The following CEP112 variants were observed in gnomAD, a reference collection of about 807,000 sequenced individuals.
The protein encoded by CEP112 is centrosomal protein 112, also known as centrosomal protein of 112 kDa.
Under a neutral mutation model 153.0 loss-of-function variants are expected in CEP112, and 127 were observed. The observed-to-expected ratio is 0.83, with a 90% CI of 0.72 to 0.96. CEP112 has a LOEUF of 0.96. CEP112 is among the 40% of genes least tolerant of loss of function. CEP112 has a pLI of 0.00. For missense variants in CEP112, 1,089 were observed against 1,101.2 expected (o/e 0.99, Z 0.16); for synonymous variants, 358 against 374.4 (o/e 0.96, Z 0.51).
intron 23 of CEP112, among the ~76,000 whole-genome samples, chr17:65,701,486 T>C (rs1009147963): frequency 6.6e-6 from 1 of 152,200 alleles, no homozygotes; most frequent in African/African-American, 2.4e-5. Flanking sequence ...AGTAAGATCA[T>C]GAGTTCCATT....
At chr17:65,969,276 G>A (rs2144884047) in intron 17 of CEP112, among the ~76,000 whole-genome samples, 1 of 151,850 alleles carries the variant, frequency 6.6e-6, no homozygotes, top group East Asian at 1.9e-4. Flanking sequence ...GTAAACATGG[G>A]GTTTTGCCAT....
intron 20 of CEP112, among the ~76,000 whole-genome samples, chr17:65,868,930 C>G (rs990611670): frequency 6.6e-6 from 1 of 152,120 alleles, no homozygotes; most frequent in Non-Finnish European, 1.5e-5. Flanking sequence ...GTTTACATTT[C>G]TTATAGTATT....
chr17:65,919,891 C>A (rs546276357), intron 19 of CEP112, among the ~76,000 whole-genome samples: 2 of 152,048 alleles, frequency 1.3e-5, no homozygotes, highest in Non-Finnish European at 2.9e-5. Context: ...TGGAACTCCG[C>A]GGGAGTGCAT....
At chr17:66,065,949 A>G (rs1399980116) in intron 10 of CEP112, among the ~76,000 whole-genome samples, 1 of 152,146 alleles carries the variant, frequency 6.6e-6, no homozygotes, top group Non-Finnish European at 1.5e-5. Flanking sequence ...CTCTTAATGC[A>G]TGGGGTATCC....
intron 12 of CEP112, among the ~76,000 whole-genome samples, chr17:66,038,327 A>T (rs2065828879): frequency 6.6e-6 from 1 of 152,126 alleles, no homozygotes; most frequent in African/African-American, 2.4e-5. Flanking sequence ...TGAAGAAGCA[A>T]ACTATGTGAC....
intron 9 of CEP112, 146 bp from the exon 10 acceptor site, chr17:66,067,023 AC>A (rs1555788548): frequency 5.0e-5 from 1 of 20,156 alleles, no homozygotes; most frequent in Non-Finnish European, 7.0e-5. Flanking sequence ...ATAAACACAC[AC>A]ACACACACAC....
intron 21 of CEP112, among the ~76,000 whole-genome samples, chr17:65,804,657 G>T (rs2055481958): frequency 6.6e-6 from 1 of 151,688 alleles, no homozygotes; most frequent in Non-Finnish European, 1.5e-5. Flanking sequence ...TATATAGAGG[G>T]TAAATATAAA....
chr17:66,058,862 TAAAAC>T (rs1201419918), intron 11 of CEP112, among the ~76,000 whole-genome samples: 3 of 151,780 alleles, frequency 2.0e-5, no homozygotes, highest in East Asian at 3.9e-4. Context: ...AAAACCAAAA[TAAAAC>T]AAAAGAACAA....
chr17:65,685,114 C>T (rs1335781891), intron 24 of CEP112, among the ~76,000 whole-genome samples: 1 of 152,194 alleles, frequency 6.6e-6, no homozygotes, highest in African/African-American at 2.4e-5. Context: ...ACAATGAGCA[C>T]ATCTTCCCTG....
intron 10 of CEP112, among the ~76,000 whole-genome samples, chr17:66,064,303 C>T (rs2067033550): frequency 1.3e-5 from 2 of 152,062 alleles, no homozygotes; most frequent in South Asian, 4.1e-4. Flanking sequence ...CTGCTAGATA[C>T]TTTTAAATCA....
intron 18 of CEP112, among the ~76,000 whole-genome samples, chr17:65,930,480 T>G (rs1253601456): frequency 1.3e-5 from 2 of 152,216 alleles, no homozygotes; most frequent in African/African-American, 4.8e-5. Flanking sequence ...GATTATAGCA[T>G]GCTATTTAGC....
chr17:65,859,357 T>C (rs1414946982), intron 20 of CEP112, among the ~76,000 whole-genome samples: 1 of 151,386 alleles, frequency 6.6e-6, no homozygotes, highest in Non-Finnish European at 1.5e-5. Context: ...AGAGAATCGT[T>C]TGAACCCAGG....
chr17:66,009,126 T>A (rs1598093254), intron 16 of CEP112, among the ~76,000 whole-genome samples: 1 of 152,004 alleles, frequency 6.6e-6, no homozygotes, highest in East Asian at 1.9e-4. Context: ...CATAATGACA[T>A]TCCCACCAAC....
intron 19 of CEP112, among the ~76,000 whole-genome samples, chr17:65,915,644 C>T (rs2060449128): frequency 6.6e-6 from 1 of 151,808 alleles, no homozygotes; most frequent in South Asian, 2.1e-4. Flanking sequence ...AAAAATTAGC[C>T]AGGCGTGGTG....
At chr17:65,947,361 A>T (rs60530184) in intron 18 of CEP112, among the ~76,000 whole-genome samples, 9,831 of 152,152 alleles carry the variant, frequency 0.065, 464 homozygotes, top group African/African-American at 0.12. Context: ...GTATTCATAA[A>T]TTTTTTATGA....
At chr17:65,916,512 C>A (rs185918160) in intron 19 of CEP112, among the ~76,000 whole-genome samples, 32 of 151,836 alleles carry the variant, frequency 2.1e-4, no homozygotes, top group Admixed American at 2.0e-3. Context: ...ATGAGTTAGT[C>A]CATATCACTA....
intron 23 of CEP112, among the ~76,000 whole-genome samples, chr17:65,708,796 C>T (rs755614672): frequency 6.6e-6 from 1 of 152,098 alleles, no homozygotes; most frequent in Non-Finnish European, 1.5e-5. Context: ...TCCAGAACAC[C>T]GTTATTTGAC....
intron 24 of CEP112, among the ~76,000 whole-genome samples, chr17:65,669,872 C>T (rs915509230): frequency 6.7e-6 from 1 of 149,736 alleles, no homozygotes; most frequent in Non-Finnish European, 1.5e-5. Flanking sequence ...CACTGCACTC[C>T]AGCCTGGGCG....
intron 23 of CEP112, among the ~76,000 whole-genome samples, chr17:65,718,057 A>C (rs1263645931): frequency 2.6e-5 from 4 of 152,146 alleles, no homozygotes; most frequent in Non-Finnish European, 4.4e-5. Flanking sequence ...TAAAAGTGAA[A>C]TTTTGCTATA....
Sources: gnomAD v4.1 joint callset for allele counts (sites outside exome capture counted in the v4.1 genomes callset) on GRCh38, gnomAD v4.1.1 for gene constraint, MANE v1.5 for transcripts, NCBI Gene and HGNC (gene_info 2026-07-23, HGNC 2026-07-21) for gene names.